Variants in CLUAP1 observed in about 807,000 individuals in gnomAD.
The protein encoded by CLUAP1 is intraflagellar transport 38.
A neutral mutation model predicts 55.0 loss-of-function variants in CLUAP1; 50 were observed. The observed-to-expected ratio is 0.91, with a 90% CI of 0.72 to 1.15. The LOEUF (loss-of-function observed/expected upper bound fraction) is 1.15. CLUAP1 is among the 50% of genes most tolerant of loss of function. The pLI, the probability that CLUAP1 is intolerant of heterozygous loss-of-function variation, is 0.00. For missense variants in CLUAP1, 530 were observed against 507.6 expected, an observed-to-expected ratio of 1.04 and a Z score of -0.42; for synonymous variants, 195 against 175.4, an observed-to-expected ratio of 1.11 and a Z score of -0.88.
At chr16:3,504,218 A>G (rs1312480807) in intron 1 of CLUAP1, among the ~76,000 whole-genome samples, 2 of 152,142 alleles carry the variant, frequency 1.3e-5, no homozygotes, top group Non-Finnish European at 2.9e-5. Flanking sequence ...AACTTGTGTT[A>G]TTTGGGTCCT....
rs1053974295 is a variant in CLUAP1 at position 3,510,295 on chromosome 16, T to G, written c.399+1827T>G. On this transcript the variant is annotated intron_variant, in intron 4 of 11. Transcript: ENST00000576634. ...AGGCGTGAGCCACCGCACCCGGCTT[T>G]GTATTTTTTTTTTTTTTTTTAGCAG... 4.0e-5 allele frequency among the ~76,000 whole-genome samples: 6 copies of G among 150,182 alleles called. No individual in the cohort carries two copies. The East Asian group carries it at 1.2e-3, about 29-fold the overall frequency.
rs138094705 is a variant in CLUAP1, at chr16:3,510,985, G to T, written c.400-1398G>T. 1.8e-3 allele frequency among the ~76,000 whole-genome samples: 270 copies of T among 152,322 alleles called. 1 individual carries two copies. Among genetic ancestry groups the T allele is most frequent in the African/African-American group, 6.2e-3 (258 of 41,574 alleles). ...GATGGTATTAAAGCCTTGAGGGTAGGAGCAGAGCCAGCAGAAAAGACGGGG... is the reference window on the plus strand; with the variant it reads ...GATGGTATTAAAGCCTTGAGGGTAGTAGCAGAGCCAGCAGAAAAGACGGGG... On this transcript the variant is annotated intron_variant, in intron 4 of 11. Transcript: ENST00000576634.
rs770939011 is a variant in CLUAP1, at chr16:3,508,323, A to G, written c.254A>G (p.Lys85Arg). The change falls in exon 4 of 12, where the codon AAG (lysine) becomes AGG (arginine). Residue 85 changes from lysine to arginine, a missense_variant. Transcript: ENST00000576634. ...TKAHIKLNTKKLYQADGYAVK... is the reference protein window; with the variant it reads ...TKAHIKLNTKRLYQADGYAVK... The stretch of plus-strand genomic sequence containing the variant: ...GCACATATAAAACTCAACACTAAGA[A>G]GCTTTATCAAGCAGATGGGTATGCG... 20 of 1,605,632 alleles carry G rather than the reference A, an allele frequency of 1.2e-5. No individual in the cohort carries two copies. In the East Asian group the frequency reaches 3.8e-4, roughly 31 times the overall value.
At chr16:3,509,103 GA>G (rs952120187) in intron 4 of CLUAP1, among the ~76,000 whole-genome samples, 3 of 151,884 alleles carry the variant, frequency 2.0e-5, no homozygotes, top group African/African-American at 7.3e-5. Flanking sequence ...CCAAAAAAAA[GA>G]AAAAAATTAG....
At position 3,501,045 on chromosome 16, in the gene CLUAP1, G is replaced by T; in HGVS notation, c.-23G>T. 1 of 1,597,986 alleles carries T rather than the reference G, an allele frequency of 6.3e-7. No individual in the cohort carries two copies. Among genetic ancestry groups the T allele is most frequent in the Non-Finnish European group, 8.5e-7 (1 of 1,175,290 alleles). On this transcript the variant is annotated 5_prime_UTR_variant, in exon 1 of 12. Coordinates refer to ENST00000576634, the MANE Select transcript of CLUAP1 (RefSeq NM_015041.3). ...CTGAGGGGCGAGCAGTTGCGACCCTGGGCTCCTGGGGACCTGAGCGTTATG... is the reference window on the plus strand; with the variant it reads ...CTGAGGGGCGAGCAGTTGCGACCCTTGGCTCCTGGGGACCTGAGCGTTATG...
chr16:3,537,228 G>T lies in CLUAP1; in HGVS notation c.*957G>T, dbSNP rs1454165444. The T allele has an allele frequency of 6.6e-6, 1 of 152,200 alleles. No homozygotes were observed. Among genetic ancestry groups the T allele is most frequent in the African/African-American group, 2.4e-5 (1 of 41,450 alleles). 9.4% of individuals were successfully genotyped at this position (152,200 alleles called of 1,614,324 possible). ...AGGGGAAGGAGCCAATTAAGAAAAA[G>T]TGTTGGTACAGATTCATGTTTCTGA... On this transcript the variant is annotated 3_prime_UTR_variant, in exon 12 of 12. Coordinates refer to ENST00000576634, the MANE Select transcript of CLUAP1 (RefSeq NM_015041.3).
At position 3,529,443 on chromosome 16, in the gene CLUAP1, AT is replaced by A. The variant is rs1567439196; in HGVS notation, c.929-1123del. Among the ~76,000 whole-genome samples, 105 of 57,168 alleles carry A rather than the reference AT, an allele frequency of 1.8e-3. 1 individual carries two copies. The highest frequency in any genetic ancestry group is 2.6e-3 in the Admixed American group (8 of 3,082). The allele number at this position is 57,168 out of a possible 152,430, so 37.5% of individuals were successfully genotyped here. On this transcript the variant is annotated intron_variant, in intron 9 of 11. Coordinates refer to ENST00000576634, the MANE Select transcript of CLUAP1 (RefSeq NM_015041.3). ...TATTATTATATATAATATATATTAT[AT>A]TATATATTATTATATATAATATATA...
At chr16:3,509,538 G>C (rs927110862) in intron 4 of CLUAP1, among the ~76,000 whole-genome samples, 1 of 152,230 alleles carries the variant, frequency 6.6e-6, no homozygotes, top group Non-Finnish European at 1.5e-5. Context: ...CAGAGTGCTG[G>C]TGGGACAGGT....
Position 3,529,509 on chromosome 16 carries a change from TTATATA to T in CLUAP1, c.929-1058_929-1053del, listed in dbSNP as rs1220981930. ...ATATAATTATATTATATTATATATA[TTATATA>T]ATTATATATTATTATATGTTATATA... On this transcript the variant is annotated intron_variant, in intron 9 of 11. Transcript: ENST00000576634. Among the ~76,000 whole-genome samples, 68 of 66,348 alleles carry T rather than the reference TTATATA, an allele frequency of 1.0e-3. 1 individual carries two copies. Among genetic ancestry groups the T allele is most frequent in the Admixed American group, 2.1e-3 (8 of 3,734 alleles). The allele number at this position is 66,348 out of a possible 152,430, so 43.5% of individuals were successfully genotyped here. A position where few individuals can be genotyped will look rare whatever the true frequency, so the allele number is the denominator to read the frequency against.
intron 1 of CLUAP1, among the ~76,000 whole-genome samples, chr16:3,504,195 G>A (rs1379589387): frequency 4.6e-5 from 7 of 151,888 alleles, no homozygotes; most frequent in African/African-American, 9.7e-5. Flanking sequence ...AATACAAGGC[G>A]ACTGATCTTT....
chr16:3,501,109 CT>C lies in CLUAP1; in HGVS notation c.22+21del. 6.3e-7 allele frequency: 1 copy of C among 1,583,078 alleles called. No homozygotes were observed. The highest frequency in any genetic ancestry group is 1.3e-5 in the African/African-American group (1 of 74,506). ...TCCGCAGTAAGGCAGCCCCGCGCCC[CT>C]GTGACCTGCGGGTCTTCCAGAGATT... On this transcript the variant is annotated intron_variant, in intron 1 of 11. Coordinates refer to ENST00000576634, the MANE Select transcript of CLUAP1 (RefSeq NM_015041.3).
At chr16:3,513,619 T>G (rs1410915069) in intron 5 of CLUAP1, among the ~76,000 whole-genome samples, 2 of 151,976 alleles carry the variant, frequency 1.3e-5, no homozygotes, top group African/African-American at 4.8e-5. Context: ...CCGGCTAATT[T>G]TTGTATTTTT....
At chr16:3,514,185 C>T (rs957221221) in intron 5 of CLUAP1, among the ~76,000 whole-genome samples, 1 of 152,184 alleles carries the variant, frequency 6.6e-6, no homozygotes, top group African/African-American at 2.4e-5. Context: ...TGCTGATTGC[C>T]ACTAGAGCTG....
chr16:3,512,457 C>CATACA lies in CLUAP1; in HGVS notation c.474_475insATACA (p.Gly159IlefsTer6). 1 of 1,613,744 alleles carries CATACA rather than the reference C, an allele frequency of 6.2e-7. No homozygotes were observed. Among genetic ancestry groups the CATACA allele is most frequent in the Non-Finnish European group, 8.5e-7 (1 of 1,179,696 alleles). ...AAGGAGCATCTCTGTATGACTTGCT[C>CATACA]GGCATGGAAGTAGAGTTGAGGGTAA... On this transcript the variant is annotated frameshift_variant, in exon 5 of 12. Coordinates refer to ENST00000576634, the MANE Select transcript of CLUAP1 (RefSeq NM_015041.3). LOFTEE classifies it high-confidence loss of function.
chr16:3,529,592 TTATTATATATTATATATTATATAA>T (rs2038037324), intron 9 of CLUAP1, among the ~76,000 whole-genome samples: 1 of 41,202 alleles, frequency 2.4e-5, no homozygotes, highest in Non-Finnish European at 3.6e-5. Flanking sequence ...ATATTATATA[TTATTATATATTATATATTATATAA>T]TATTATATAT....
rs1567424607 is a variant in CLUAP1 at position 3,508,438 on chromosome 16, C to T, written c.369C>T (p.Val123=). 4 of 1,583,278 alleles carry T rather than the reference C, an allele frequency of 2.5e-6. No individual in the cohort carries two copies. The highest frequency in any genetic ancestry group is 1.4e-5 in the African/African-American group (1 of 72,760). The change falls in exon 4 of 12, where the codon GTC becomes GTT. Residue 123 remains valine (V), a synonymous_variant. Transcript: ENST00000576634. The part of the protein sequence containing the change: ...MEGSEIVEED[V]NKFKFDLGSK... ...GCTCTGAAATAGTAGAGGAAGATGT[C>T]AACAAGTTCAAGTTTGATCTTGGCT...
At chr16:3,502,028 C>G (rs185459893) in intron 1 of CLUAP1, 25 of 152,286 alleles carry the variant, frequency 1.6e-4, no homozygotes, top group African/African-American at 5.3e-4. Context: ...GGCTTGAATT[C>G]AGGTTGCCTG....
At chr16:3,521,034 G>A (rs1018786034) in intron 7 of CLUAP1, among the ~76,000 whole-genome samples, 6 of 151,940 alleles carry the variant, frequency 3.9e-5, no homozygotes, top group African/African-American at 1.5e-4. Context: ...CCACTGTCCC[G>A]AGGTCTGTGG....
rs773459308 is a variant in CLUAP1 at position 3,520,000 on chromosome 16, G to GA, written c.680dup (p.Asn227LysfsTer18). The GA allele has an allele frequency of 6.2e-7, 1 of 1,613,544 alleles. No individual in the cohort carries two copies. Among genetic ancestry groups the GA allele is most frequent in the Non-Finnish European group, 8.5e-7 (1 of 1,179,852 alleles). On this transcript the variant is annotated frameshift_variant, in exon 7 of 12. Coordinates refer to ENST00000576634, the MANE Select transcript of CLUAP1 (RefSeq NM_015041.3). LOFTEE classifies it high-confidence loss of function. ...GAAAAGAGAAAATTAGAACTGGAAA[G>GA]AAATCGGAAGCGACTAGAGACTCTG...
Sources: gnomAD v4.1 joint callset for allele counts (sites outside exome capture counted in the v4.1 genomes callset) on GRCh38, gnomAD v4.1.1 for gene constraint, MANE v1.5 for transcripts, NCBI Gene and HGNC (gene_info 2026-07-23, HGNC 2026-07-21) for gene names.